The following CA10 variants were observed in gnomAD, a reference collection of about 807,000 sequenced individuals.
CA10 encodes the protein carbonic anhydrase-related protein 10.
Under a neutral mutation model 44.2 loss-of-function variants are expected in CA10, and 14 were observed. The observed-to-expected ratio is 0.32, with a 90% CI of 0.21 to 0.50. The LOEUF (loss-of-function observed/expected upper bound fraction) is 0.50. Among genes scored for constraint, CA10 ranks in the 20% least tolerant of loss-of-function variants. The pLI is 0.99. For missense variants in CA10, 350 were observed against 409.7 expected (o/e 0.85, Z 1.26); for synonymous variants, 159 against 141.6 (o/e 1.12, Z -0.87).
intron 4 of CA10, among the ~76,000 whole-genome samples, chr17:51,691,510 C>T (rs141464413): frequency 1.6e-3 from 238 of 152,134 alleles, no homozygotes; most frequent in African/African-American, 5.5e-3. Context: ...TAATACTTTC[C>T]TTCTGTAGGT....
chr17:51,908,141 A>G (rs1270920504), intron 3 of CA10, among the ~76,000 whole-genome samples: 1 of 152,176 alleles, frequency 6.6e-6, no homozygotes, highest in African/African-American at 2.4e-5. Flanking sequence ...CCAACTTACA[A>G]TTAGAAATTC....
intron 2 of CA10, among the ~76,000 whole-genome samples, chr17:51,970,047 G>C (rs1428882610): frequency 1.3e-5 from 2 of 151,886 alleles, no homozygotes; most frequent in African/African-American, 4.8e-5. Flanking sequence ...GAGTGGAAAG[G>C]GGAAAGATGG....
At chr17:52,030,266 C>T (rs1441580348) in intron 2 of CA10, among the ~76,000 whole-genome samples, 2 of 152,198 alleles carry the variant, frequency 1.3e-5, no homozygotes, top group African/African-American at 4.8e-5. Flanking sequence ...ACCTTATCAG[C>T]CTTTTAAAGA....
intron 4 of CA10, among the ~76,000 whole-genome samples, chr17:51,669,764 C>T (rs1364355641): frequency 6.6e-6 from 1 of 152,170 alleles, no homozygotes; most frequent in Non-Finnish European, 1.5e-5. Context: ...TCTGGACACC[C>T]CATCTTTGAA....
intron 4 of CA10, among the ~76,000 whole-genome samples, chr17:51,685,786 A>G (rs1400914100): frequency 6.6e-6 from 1 of 152,194 alleles, no homozygotes; most frequent in African/African-American, 2.4e-5. Context: ...TCCCTGTTGT[A>G]GGAAAATAAC....
At chr17:51,930,504 A>C (rs952252365) in intron 3 of CA10, among the ~76,000 whole-genome samples, 5 of 152,160 alleles carry the variant, frequency 3.3e-5, no homozygotes, top group Non-Finnish European at 5.9e-5. Context: ...GATTCTTAGC[A>C]AGCAAGATGC....
intron 4 of CA10, among the ~76,000 whole-genome samples, chr17:51,723,944 C>T (rs754718155): frequency 7.9e-5 from 12 of 152,250 alleles, no homozygotes; most frequent in Middle Eastern, 3.4e-3. Flanking sequence ...TGGGCACCTG[C>T]GAGAGAAGCC....
chr17:51,695,220 T>G (rs1915359722), intron 4 of CA10, among the ~76,000 whole-genome samples: 1 of 152,258 alleles, frequency 6.6e-6, no homozygotes, highest in Admixed American at 6.5e-5. Context: ...AAGAATAGCA[T>G]TGAATCTACA....
At chr17:51,771,619 G>A (rs974909899) in intron 3 of CA10, among the ~76,000 whole-genome samples, 1 of 152,134 alleles carries the variant, frequency 6.6e-6, no homozygotes, top group Non-Finnish European at 1.5e-5. Flanking sequence ...TTTTGGCATG[G>A]GTGGCTGTCC....
chr17:52,010,472 A>G (rs1486667391), intron 2 of CA10, among the ~76,000 whole-genome samples: 1 of 152,024 alleles, frequency 6.6e-6, no homozygotes, highest in Non-Finnish European at 1.5e-5. Flanking sequence ...TGGCATTCAC[A>G]GCAACCTGGA....
chr17:51,866,096 T>C (rs1200815870), intron 3 of CA10, among the ~76,000 whole-genome samples: 2 of 152,184 alleles, frequency 1.3e-5, no homozygotes, highest in Admixed American at 1.3e-4. Flanking sequence ...AAAGGCAATG[T>C]TTTAAAAGTC....
At chr17:52,060,621 G>A (rs767533489) in intron 2 of CA10, among the ~76,000 whole-genome samples, 2 of 152,132 alleles carry the variant, frequency 1.3e-5, no homozygotes, top group African/African-American at 2.4e-5. Flanking sequence ...TGTAATAAAT[G>A]ATATCCAAAT....
At chr17:51,648,907 G>A (rs1032468762) in intron 6 of CA10, among the ~76,000 whole-genome samples, 1 of 152,130 alleles carries the variant, frequency 6.6e-6, no homozygotes, top group African/African-American at 2.4e-5. Flanking sequence ...AGCCAGCAGA[G>A]TCCCCTGGCT....
At chr17:51,840,767 G>A (rs1483561055) in intron 3 of CA10, among the ~76,000 whole-genome samples, 5 of 152,112 alleles carry the variant, frequency 3.3e-5, no homozygotes, top group African/African-American at 1.2e-4. Flanking sequence ...AGGCCAAGAA[G>A]TTTTGAGTAT....
At chr17:51,865,397 G>A (rs1598088866) in intron 3 of CA10, among the ~76,000 whole-genome samples, 1 of 152,166 alleles carries the variant, frequency 6.6e-6, no homozygotes. Flanking sequence ...ATTAATGAAC[G>A]AATCTACTAA....
intron 2 of CA10, among the ~76,000 whole-genome samples, chr17:52,056,132 G>C (rs534616472): frequency 1.3e-3 from 201 of 152,140 alleles, no homozygotes; most frequent in Middle Eastern, 6.8e-3. Context: ...AGGAAGAGCA[G>C]GCACAGCGGG....
chr17:51,871,936 A>G (rs1338189985), intron 3 of CA10, among the ~76,000 whole-genome samples: 1 of 152,214 alleles, frequency 6.6e-6, no homozygotes, highest in African/African-American at 2.4e-5. Context: ...CATGTACCTT[A>G]AAAGATAATA....
chr17:51,718,431 T>A (rs1332656090), intron 4 of CA10, among the ~76,000 whole-genome samples: 1 of 152,080 alleles, frequency 6.6e-6, no homozygotes, highest in Non-Finnish European at 1.5e-5. Flanking sequence ...CAATAAACAC[T>A]CAAAAGCACT....
chr17:52,128,736 T>G (rs533535400), intron 1 of CA10, among the ~76,000 whole-genome samples: 1 of 152,322 alleles, frequency 6.6e-6, no homozygotes, highest in East Asian at 1.9e-4. Flanking sequence ...TTTCTAACTT[T>G]CCCTCCCAGA....
Sources: gnomAD v4.1 joint callset for allele counts (sites outside exome capture counted in the v4.1 genomes callset) on GRCh38, gnomAD v4.1.1 for gene constraint, MANE v1.5 for transcripts, NCBI Gene and HGNC (gene_info 2026-07-23, HGNC 2026-07-21) for gene names.